The following ZNF148 variants were observed in gnomAD, a reference collection of about 807,000 sequenced individuals.
ZNF148 encodes Beta-Enolase Repressor Factor-1.
In ZNF148, 7 loss-of-function variants were observed where a neutral mutation model predicts 67.7. That is an observed-to-expected ratio of 0.10 (90% CI 0.06 to 0.19). The LOEUF (loss-of-function observed/expected upper bound fraction) is 0.19, where lower values mean the gene tolerates loss of function less well. Ranked by LOEUF, ZNF148 falls within the 10% of genes least tolerant of loss-of-function variation. The pLI is 1.00. For missense variants in ZNF148, 583 were observed against 947.1 expected (o/e 0.62, Z 5.05); for synonymous variants, 333 against 330.7 (o/e 1.01, Z -0.08).
intron 1 of ZNF148, among the ~76,000 whole-genome samples, chr3:125,353,992 A>G (rs936574212): frequency 6.6e-6 from 1 of 152,146 alleles, no homozygotes; most frequent in African/African-American, 2.4e-5. Flanking sequence ...TTGCTATATG[A>G]GAGTTCATAA....
intron 4 of ZNF148, among the ~76,000 whole-genome samples, chr3:125,299,073 G>C (rs1412936687): frequency 6.6e-6 from 1 of 152,150 alleles, no homozygotes; most frequent in Non-Finnish European, 1.5e-5. Flanking sequence ...TTGGAAAGAA[G>C]GAAATTTTAC....
chr3:125,374,079 T>G (rs780930063), intron 1 of ZNF148, among the ~76,000 whole-genome samples: 1 of 152,172 alleles, frequency 6.6e-6, no homozygotes, highest in African/African-American at 2.4e-5. Context: ...CTCCATAGCC[T>G]AAGGAATCCC....
At chr3:125,354,451 T>A (rs1328089510) in intron 1 of ZNF148, among the ~76,000 whole-genome samples, 3 of 152,240 alleles carry the variant, frequency 2.0e-5, no homozygotes, top group Non-Finnish European at 4.4e-5. Flanking sequence ...CATTGATACT[T>A]CTTCTGACAA....
intron 1 of ZNF148, among the ~76,000 whole-genome samples, chr3:125,346,481 T>TG (rs1483583807): frequency 6.6e-6 from 1 of 152,206 alleles, no homozygotes; most frequent in Admixed American, 6.5e-5. Context: ...TGATATGATT[T>TG]GGTTCTGTAC....
At chr3:125,270,341 TA>T (rs550755110) in intron 7 of ZNF148, among the ~76,000 whole-genome samples, 325 of 141,068 alleles carry the variant, frequency 2.3e-3, no homozygotes, top group Middle Eastern at 3.8e-3. Flanking sequence ...ACTCCATCTC[TA>T]AAAAAAAAAA....
At chr3:125,240,294 G>T (rs1480829639) in intron 7 of ZNF148, among the ~76,000 whole-genome samples, 1 of 152,110 alleles carries the variant, frequency 6.6e-6, no homozygotes, top group Non-Finnish European at 1.5e-5. Context: ...AGGAGTTCAA[G>T]ACCAGCCTGG....
intron 3 of ZNF148, among the ~76,000 whole-genome samples, chr3:125,315,992 T>C (rs1940474027): frequency 6.6e-6 from 1 of 152,174 alleles, no homozygotes; most frequent in Non-Finnish European, 1.5e-5. Context: ...CCATTAACTA[T>C]CCCCACCTTC....
At chr3:125,279,012 T>G (rs1014965665) in intron 6 of ZNF148, 112 bp downstream of exon 6, 1 of 1,173,372 alleles carries the variant, frequency 8.5e-7, no homozygotes, top group Non-Finnish European at 1.1e-6. Context: ...AATCTCTGAT[T>G]TGGAATGCCA....
intron 7 of ZNF148, among the ~76,000 whole-genome samples, chr3:125,276,704 G>A (rs1344036221): frequency 6.6e-6 from 1 of 152,076 alleles, no homozygotes; most frequent in Non-Finnish European, 1.5e-5. Flanking sequence ...AAAGTGCTGA[G>A]ATTACAGGCA....
At chr3:125,309,918 C>T (rs1940106122) in intron 4 of ZNF148, among the ~76,000 whole-genome samples, 1 of 152,138 alleles carries the variant, frequency 6.6e-6, no homozygotes, top group African/African-American at 2.4e-5. Context: ...CCATAAAATA[C>T]AATCTAACAA....
intron 3 of ZNF148, among the ~76,000 whole-genome samples, chr3:125,322,196 A>AT (rs1267709691): frequency 6.6e-6 from 1 of 151,324 alleles, no homozygotes; most frequent in African/African-American, 2.4e-5. Context: ...CGCACGGCTA[A>AT]TTTTTTTTGT....
intron 1 of ZNF148, among the ~76,000 whole-genome samples, chr3:125,371,892 G>A (rs1942901480): frequency 6.6e-6 from 1 of 151,398 alleles, no homozygotes; most frequent in Admixed American, 6.6e-5. Context: ...GTGAAACCCC[G>A]TCTCTACTAA....
intron 1 of ZNF148, chr3:125,344,559 ACCT>A: frequency 4.1e-6 from 4 of 979,160 alleles, no homozygotes; most frequent in Non-Finnish European, 6.6e-6. Context: ...AATGACTTCC[ACCT>A]CCTCCTCCAC....
chr3:125,237,598 A>C (rs1936151349), intron 7 of ZNF148, among the ~76,000 whole-genome samples: 1 of 152,118 alleles, frequency 6.6e-6, no homozygotes, highest in Admixed American at 6.5e-5. Flanking sequence ...AATTAAACTA[A>C]ATTTAAAAAA....
At chr3:125,356,914 T>C (rs1942361928) in intron 1 of ZNF148, 1 of 152,230 alleles carries the variant, frequency 6.6e-6, no homozygotes, top group Non-Finnish European at 1.5e-5. Context: ...AGGATACAGG[T>C]GTACATTTTT....
chr3:125,354,148 A>G (rs1342151620), intron 1 of ZNF148, among the ~76,000 whole-genome samples: 1 of 152,078 alleles, frequency 6.6e-6, no homozygotes, highest in African/African-American at 2.4e-5. Flanking sequence ...TCTATTAAAT[A>G]AATTTCTTAC....
At position 125,233,079 on chromosome 3, in the gene ZNF148, G is replaced by A; in HGVS notation, c.1647C>T (p.Ser549=). 5 of 1,613,448 alleles carry A rather than the reference G, an allele frequency of 3.1e-6. No homozygotes were observed. Among genetic ancestry groups the A allele is most frequent in the Non-Finnish European group, 3.4e-6 (4 of 1,179,834 alleles). The change falls in exon 9 of 9, where the codon TCC becomes TCT. Residue 549 remains serine (S), a synonymous_variant. Coordinates refer to ENST00000360647, the MANE Select transcript of ZNF148 (RefSeq NM_021964.3). The surrounding 1 kb of genome is among the most constrained non-coding windows in gnomAD (Gnocchi z 5.1). ...EVLQTLLDHY[S]HKANGQHEIS... Reference sequence around the variant, plus strand: ...TCTCATGCTGTCCATTAGCTTTGTGGGAATAATGATCCAACAGAGTCTGCA... The same window carrying A: ...TCTCATGCTGTCCATTAGCTTTGTGAGAATAATGATCCAACAGAGTCTGCA...
intron 1 of ZNF148, among the ~76,000 whole-genome samples, chr3:125,344,981 A>C (rs956561695): frequency 6.6e-6 from 1 of 152,180 alleles, no homozygotes; most frequent in Non-Finnish European, 1.5e-5. Flanking sequence ...GCAACATAAC[A>C]AGTTAAAAGC....
intron 4 of ZNF148, among the ~76,000 whole-genome samples, chr3:125,307,788 G>A (rs1219606292): frequency 1.3e-5 from 2 of 150,722 alleles, no homozygotes; most frequent in Admixed American, 1.3e-4. Flanking sequence ...GAGACTACAG[G>A]TGCACACCAC....
Sources: gnomAD v4.1 joint callset for allele counts (sites outside exome capture counted in the v4.1 genomes callset) on GRCh38, gnomAD v4.1.1 for gene constraint, Gnocchi (gnomAD v3.1) non-coding constraint, MANE v1.5 for transcripts, NCBI Gene and HGNC (gene_info 2026-07-23, HGNC 2026-07-21) for gene names.